Variants in DNM3 observed in about 807,000 individuals in gnomAD.
DNM3 encodes the protein dynamin 3, also known as dynamin-3.
Under a neutral mutation model 101.6 loss-of-function variants are expected in DNM3, and 47 were observed. The observed-to-expected ratio is 0.46, with a 90% CI of 0.37 to 0.59. The LOEUF (loss-of-function observed/expected upper bound fraction) is 0.59. Ranked by LOEUF, DNM3 falls within the 20% of genes least tolerant of loss-of-function variation. The pLI is 0.00. For missense variants in DNM3, 849 were observed against 1,085.7 expected, an observed-to-expected ratio of 0.78 and a Z score of 3.06; for synonymous variants, 385 against 387.9, an observed-to-expected ratio of 0.99 and a Z score of 0.09.
Position 172,009,827 on chromosome 1 carries a change from G to A in DNM3, c.589+20679G>A, listed in dbSNP as rs570429421. ...GGTAGAAGTACTATTATTGGATGAT[G>A]TGTTCTATAGATGTATTTTAGGTCA... On this transcript the variant is annotated intron_variant, in intron 4 of 20. Transcript: ENST00000627582. Among the ~76,000 whole-genome samples the A allele has an allele frequency of 9.2e-4, 139 of 151,412 alleles. 1 individual carries two copies. In the South Asian group the frequency reaches 0.026, roughly 28 times the overall value.
intron 1 of DNM3, among the ~76,000 whole-genome samples, chr1:171,852,429 G>C (rs1436283336): frequency 6.6e-6 from 1 of 152,192 alleles, no homozygotes; most frequent in Non-Finnish European, 1.5e-5. Flanking sequence ...TATGTTGAGA[G>C]TCCACAATAT....
intron 4 of DNM3, among the ~76,000 whole-genome samples, chr1:172,009,264 G>A (rs1012728180): frequency 2.0e-5 from 3 of 148,438 alleles, no homozygotes; most frequent in African/African-American, 7.4e-5. Context: ...TGCCAATAAT[G>A]TACTATCTTA....
At chr1:172,034,352 T>A (rs1047260720) in intron 6 of DNM3, among the ~76,000 whole-genome samples, 3 of 152,112 alleles carry the variant, frequency 2.0e-5, no homozygotes, top group Non-Finnish European at 2.9e-5. Flanking sequence ...ACTCTACCAA[T>A]ATATTTTGCA....
intron 12 of DNM3, among the ~76,000 whole-genome samples, chr1:172,092,140 C>A (rs1395002083): frequency 6.6e-6 from 1 of 151,980 alleles, no homozygotes; most frequent in African/African-American, 2.4e-5. Context: ...GAATGATATG[C>A]CCATTAAATA....
At chr1:171,947,604 A>C (rs1028972503) in intron 2 of DNM3, among the ~76,000 whole-genome samples, 2 of 152,162 alleles carry the variant, frequency 1.3e-5, no homozygotes, top group Non-Finnish European at 2.9e-5. Flanking sequence ...AACTTCCCTT[A>C]ATATTTATGT....
At chr1:171,996,007 GT>G (rs2045972605) in intron 4 of DNM3, among the ~76,000 whole-genome samples, 1 of 152,060 alleles carries the variant, frequency 6.6e-6, no homozygotes, top group African/African-American at 2.4e-5. Flanking sequence ...ATCTTGATAA[GT>G]TAATTATAAA....
chr1:172,057,667 C>A (rs2050757834), intron 10 of DNM3, among the ~76,000 whole-genome samples: 2 of 151,430 alleles, frequency 1.3e-5, no homozygotes, highest in South Asian at 4.2e-4. Flanking sequence ...CACCACCAGG[C>A]CTGCCCTAAA....
intron 14 of DNM3, among the ~76,000 whole-genome samples, chr1:172,229,875 T>G (rs1033430956): frequency 6.6e-6 from 1 of 152,122 alleles, no homozygotes; most frequent in Non-Finnish European, 1.5e-5. Context: ...CTGATTCTTC[T>G]TTGTGTATGC....
chr1:172,186,722 T>C (rs531396377), intron 14 of DNM3, among the ~76,000 whole-genome samples: 26 of 152,250 alleles, frequency 1.7e-4, no homozygotes, highest in Middle Eastern at 3.4e-3. Flanking sequence ...AGAGCATCAT[T>C]TGCCAGCCTG....
Position 172,247,181 on chromosome 1 carries a change from A to G in DNM3, c.1660-6392A>G, listed in dbSNP as rs144092480. ...CACAGTGGTACTTCGCGTGTGGTCT[A>G]CGCACGTTTTTGGTGCGGATGTGTC... On this transcript the variant is annotated intron_variant, in intron 14 of 20. Coordinates refer to ENST00000627582, the MANE Select transcript of DNM3 (RefSeq NM_015569.5). Among the ~76,000 whole-genome samples, 671 of 152,228 alleles carry G rather than the reference A, an allele frequency of 4.4e-3. 2 individuals carry two copies. Among genetic ancestry groups the G allele is most frequent in the African/African-American group, 0.015 (633 of 41,546 alleles).
intron 17 of DNM3, among the ~76,000 whole-genome samples, chr1:172,353,140 G>T (rs1323184474): frequency 6.6e-6 from 1 of 152,062 alleles, no homozygotes; most frequent in Non-Finnish European, 1.5e-5. Flanking sequence ...CCCTGTTTCT[G>T]CACCTTTGCA....
chr1:171,901,261 G>A (rs923803711), intron 1 of DNM3, among the ~76,000 whole-genome samples: 1 of 151,992 alleles, frequency 6.6e-6, no homozygotes, highest in African/African-American at 2.4e-5. Context: ...CATCTATGAT[G>A]TCTTATACAG....
At position 172,160,756 on chromosome 1, in the gene DNM3, CTTA is replaced by C. The variant is rs1333848323; in HGVS notation, c.1659+29473_1659+29475del. Among the ~76,000 whole-genome samples the C allele has an allele frequency of 3.9e-5, 6 of 151,932 alleles. No individual in the cohort carries two copies. The East Asian group carries it at 9.7e-4, about 24-fold the overall frequency. The stretch of plus-strand genomic sequence containing the variant: ...AATATACAATTCAATAGCATAGTTG[CTTA>C]TTATCATTATTAAGTACTATATACT... On this transcript the variant is annotated intron_variant, in intron 14 of 20. Transcript: ENST00000627582.
At chr1:172,231,651 A>G (rs2061341480) in intron 14 of DNM3, among the ~76,000 whole-genome samples, 1 of 152,178 alleles carries the variant, frequency 6.6e-6, no homozygotes, top group Admixed American at 6.5e-5. Flanking sequence ...TCTGCGAGCT[A>G]AAGGAGGAAG....
At chr1:172,249,201 C>A (rs1008483060) in intron 14 of DNM3, among the ~76,000 whole-genome samples, 4 of 152,124 alleles carry the variant, frequency 2.6e-5, no homozygotes, top group Non-Finnish European at 5.9e-5. Context: ...TGGTGCTCTG[C>A]CAGCTAGAGA....
intron 13 of DNM3, among the ~76,000 whole-genome samples, chr1:172,125,281 G>A (rs900890675): frequency 1.3e-5 from 2 of 152,082 alleles, no homozygotes; most frequent in Non-Finnish European, 2.9e-5. Flanking sequence ...GTGAGATCAA[G>A]GTCAAACCCC....
chr1:171,987,593 C>G, intron 2 of DNM3, 63 bp from the exon 3 acceptor site: 3 of 1,460,452 alleles, frequency 2.1e-6, no homozygotes, highest in Non-Finnish European at 2.7e-6. Context: ...ATTAAAGAAA[C>G]TTTTATAATT....
At chr1:172,038,612 G>T (rs1449992076) in intron 7 of DNM3, among the ~76,000 whole-genome samples, 151 bp downstream of exon 7, 1 of 152,086 alleles carries the variant, frequency 6.6e-6, no homozygotes, top group Non-Finnish European at 1.5e-5. Flanking sequence ...GAATTTTTAT[G>T]CTTTGTTGAA....
chr1:172,149,138 T>A (rs1214744765), intron 14 of DNM3, among the ~76,000 whole-genome samples: 1 of 152,180 alleles, frequency 6.6e-6, no homozygotes, highest in Non-Finnish European at 1.5e-5. Context: ...AACGTACATT[T>A]ACGGACGCAT....
Sources: gnomAD v4.1 joint callset for allele counts (sites outside exome capture counted in the v4.1 genomes callset) on GRCh38, gnomAD v4.1.1 for gene constraint, MANE v1.5 for transcripts, NCBI Gene and HGNC (gene_info 2026-07-23, HGNC 2026-07-21) for gene names.